Variants in XPR1 observed in about 807,000 individuals in gnomAD.
XPR1 encodes the protein solute carrier family 53 member 1.
A neutral mutation model predicts 87.5 loss-of-function variants in XPR1; 28 were observed. That is an observed-to-expected ratio of 0.32 (90% CI 0.24 to 0.44). XPR1 has a LOEUF of 0.44. Ranked by LOEUF, XPR1 falls within the 20% of genes least tolerant of loss-of-function variation. The pLI is 1.00. For synonymous variants in XPR1, 300 were observed against 306.1 expected (o/e 0.98, Z 0.21); for missense variants, 559 against 862.3 (o/e 0.65, Z 4.41).
intron 14 of XPR1, among the ~76,000 whole-genome samples, 184 bp from the exon 15 acceptor site, chr1:180,883,822 G>A (rs1316704799): frequency 2.6e-5 from 4 of 151,886 alleles, no homozygotes; most frequent in African/African-American, 9.7e-5. Context: ...TAGTTTCTTA[G>A]TGTTTTTCCA....
intron 2 of XPR1, among the ~76,000 whole-genome samples, chr1:180,773,560 T>C (rs1335371613): frequency 1.3e-5 from 2 of 152,226 alleles, no homozygotes. Context: ...AAAATTGTAC[T>C]CATACTTATT....
chr1:180,642,400 A>G (rs751726043), intron 1 of XPR1, among the ~76,000 whole-genome samples: 40 of 152,184 alleles, frequency 2.6e-4, no homozygotes, highest in African/African-American at 8.9e-4. Flanking sequence ...TACTAAGTAT[A>G]CATGACTGTC....
intron 14 of XPR1, among the ~76,000 whole-genome samples, chr1:180,883,054 C>T (rs1652893287): frequency 6.7e-6 from 1 of 150,176 alleles, no homozygotes; most frequent in Admixed American, 6.6e-5. Context: ...CCTTGAACTC[C>T]TGGGCTGAAA....
chr1:180,730,905 G>A (rs982510019), intron 2 of XPR1, among the ~76,000 whole-genome samples: 1 of 151,912 alleles, frequency 6.6e-6, no homozygotes, highest in African/African-American at 2.4e-5. Flanking sequence ...GGGCTCAAGC[G>A]ATCCTCCTCC....
Position 180,659,381 on chromosome 1 carries a change from G to T in XPR1, c.70-22979G>T, listed in dbSNP as rs146423134. Among the ~76,000 whole-genome samples the T allele has an allele frequency of 7.8e-3, 430 of 55,348 alleles. 8 individuals are homozygous for T. Among genetic ancestry groups the T allele is most frequent in the African/African-American group, 0.02 (271 of 13,872 alleles). The allele number at this position is 55,348 out of a possible 152,430, so 36.3% of individuals were successfully genotyped here. On this transcript the variant is annotated intron_variant, in intron 1 of 14. Coordinates refer to ENST00000367590, the MANE Select transcript of XPR1 (RefSeq NM_004736.4). The stretch of plus-strand genomic sequence containing the variant: ...CTTCCGTCCTTCCGTCCGTCCTTCC[G>T]TCCTTCCTTCCTTCCTTCCTTCCTT...
chr1:180,841,862 A>G (rs903586725), intron 11 of XPR1, among the ~76,000 whole-genome samples: 1 of 152,344 alleles, frequency 6.6e-6, no homozygotes, highest in Admixed American at 6.5e-5. Flanking sequence ...CAAAAAGCTT[A>G]AAATCGAGGG....
rs536512128 is a variant in XPR1, at chr1:180,801,042, C to T, written c.224-2346C>T. 2.0e-5 allele frequency among the ~76,000 whole-genome samples: 3 copies of T among 152,298 alleles called. No homozygotes were observed. In the East Asian group the frequency reaches 5.8e-4, roughly 29 times the overall value. ...CTAGGGATAACCATGATCAATTAAC[C>T]ACAGCCAAAATCTCTGTGTGCAAAA... On this transcript the variant is annotated intron_variant, in intron 3 of 14. Transcript: ENST00000367590.
At chr1:180,845,172 G>A (rs539702967) in intron 11 of XPR1, among the ~76,000 whole-genome samples, 1 of 152,314 alleles carries the variant, frequency 6.6e-6, no homozygotes, top group South Asian at 2.1e-4. Context: ...AATCAAAGAA[G>A]TGATGATGCC....
chr1:180,691,844 T>C (rs927348292), intron 2 of XPR1, among the ~76,000 whole-genome samples: 3 of 152,142 alleles, frequency 2.0e-5, no homozygotes, highest in African/African-American at 7.2e-5. Flanking sequence ...TAGATCTTTG[T>C]TGTTTTAACA....
At chr1:180,821,138 A>G (rs1650613736) in intron 7 of XPR1, among the ~76,000 whole-genome samples, 1 of 152,090 alleles carries the variant, frequency 6.6e-6, no homozygotes, top group Non-Finnish European at 1.5e-5. Flanking sequence ...ATTCAAGGTC[A>G]TGAAGATTTA....
At chr1:180,666,081 T>C (rs1655951434) in intron 1 of XPR1, among the ~76,000 whole-genome samples, 2 of 152,214 alleles carry the variant, frequency 1.3e-5, no homozygotes, top group Admixed American at 6.5e-5. Context: ...CATTGGGTGA[T>C]CTTGGCACCC....
intron 7 of XPR1, among the ~76,000 whole-genome samples, chr1:180,815,403 A>G (rs184398135): frequency 1.4e-4 from 22 of 152,190 alleles, no homozygotes; most frequent in Non-Finnish European, 2.9e-4. Flanking sequence ...GGGGAGGGTA[A>G]ATATAGTTAA....
At chr1:180,816,486 T>C (rs574877609) in intron 7 of XPR1, among the ~76,000 whole-genome samples, 3 of 152,276 alleles carry the variant, frequency 2.0e-5, no homozygotes, top group Middle Eastern at 3.4e-3. Context: ...CCAGTTCTAA[T>C]AGAAATGCTT....
intron 1 of XPR1, among the ~76,000 whole-genome samples, chr1:180,646,236 T>C (rs1037870259): frequency 2.0e-5 from 3 of 152,210 alleles, no homozygotes; most frequent in Non-Finnish European, 4.4e-5. Flanking sequence ...GTAAAGGTCA[T>C]GACAAACGTC....
intron 12 of XPR1, among the ~76,000 whole-genome samples, chr1:180,866,599 A>G (rs1652399697): frequency 2.0e-5 from 3 of 152,220 alleles, no homozygotes; most frequent in Admixed American, 6.5e-5. Flanking sequence ...TCTTCAGTTA[A>G]GCCTAATAAT....
intron 2 of XPR1, among the ~76,000 whole-genome samples, chr1:180,693,077 G>A (rs1404302053): frequency 6.6e-6 from 1 of 152,230 alleles, no homozygotes; most frequent in Middle Eastern, 3.4e-3. Flanking sequence ...TTAAATCATG[G>A]AACAAAAAAG....
At chr1:180,807,386 T>C (rs1192594483) in intron 6 of XPR1, among the ~76,000 whole-genome samples, 1 of 151,856 alleles carries the variant, frequency 6.6e-6, no homozygotes, top group African/African-American at 2.4e-5. Context: ...AAGACCAATA[T>C]GTAAAATCAT....
intron 1 of XPR1, among the ~76,000 whole-genome samples, chr1:180,648,526 A>G (rs1655192126): frequency 6.6e-6 from 1 of 152,150 alleles, no homozygotes; most frequent in Non-Finnish European, 1.5e-5. Context: ...TTTGTTTTTG[A>G]GATGAAGTCT....
At chr1:180,780,889 CT>C (rs1158560131) in intron 2 of XPR1, among the ~76,000 whole-genome samples, 1 of 151,686 alleles carries the variant, frequency 6.6e-6, no homozygotes, top group East Asian at 1.9e-4. Context: ...TGTCTTTTTA[CT>C]TTTTTGATAG....
Sources: allele counts gnomAD v4.1 joint callset (sites outside exome capture counted in the v4.1 genomes callset), GRCh38; gene constraint gnomAD v4.1.1; transcripts MANE v1.5; gene names NCBI Gene and HGNC (gene_info 2026-07-23, HGNC 2026-07-21).